The following TMEM232 variants were observed in gnomAD, a reference collection of about 807,000 sequenced individuals.
The protein encoded by TMEM232 is transmembrane protein 232.
A neutral mutation model predicts 78.8 loss-of-function variants in TMEM232; 80 were observed. The ratio of observed to expected loss-of-function variants is 1.01; its 90% CI spans 0.85 to 1.22. The LOEUF (loss-of-function observed/expected upper bound fraction) is 1.22. Among genes scored for constraint, TMEM232 ranks in the 50% most tolerant of loss-of-function variants. The probability of loss-of-function intolerance (pLI) is 0.00; values close to 1 mark genes in which losing one functional copy is unlikely to be tolerated. For synonymous variants in TMEM232, 297 were observed against 254.3 expected (o/e 1.17, Z -1.60); for missense variants, 881 against 742.2 (o/e 1.19, Z -2.17).
chr5:110,590,660 T>C (rs964386677), intron 10 of TMEM232, among the ~76,000 whole-genome samples: 2 of 152,040 alleles, frequency 1.3e-5, no homozygotes, highest in African/African-American at 4.8e-5. Context: ...AAGGAAAACA[T>C]CTTCATATTA....
chr5:110,701,704 G>A (rs1795456810), intron 1 of TMEM232, among the ~76,000 whole-genome samples: 1 of 151,988 alleles, frequency 6.6e-6, no homozygotes, highest in African/African-American at 2.4e-5. Flanking sequence ...TATGCCTCAA[G>A]TTATACCAAA....
chr5:110,471,223 A>T (rs1466977347), intron 12 of TMEM232, among the ~76,000 whole-genome samples: 7 of 152,176 alleles, frequency 4.6e-5, no homozygotes, highest in Non-Finnish European at 8.8e-5. Flanking sequence ...AAACATAAGA[A>T]TGAAAAACAG....
chr5:110,522,083 T>C (rs562696434), intron 12 of TMEM232, among the ~76,000 whole-genome samples: 15 of 152,316 alleles, frequency 9.8e-5, no homozygotes, highest in Non-Finnish European at 1.8e-4. Flanking sequence ...CATTCATTTA[T>C]GTATTCTTTA....
intron 12 of TMEM232, among the ~76,000 whole-genome samples, chr5:110,508,327 A>G (rs10040277): frequency 0.15 from 22,634 of 151,920 alleles, 4,389 homozygotes; most frequent in African/African-American, 0.45. Context: ...AAAGATAGAA[A>G]GCATGATTAG....
At chr5:110,515,085 A>T (rs1768404538) in intron 12 of TMEM232, among the ~76,000 whole-genome samples, 1 of 152,228 alleles carries the variant, frequency 6.6e-6, no homozygotes, top group South Asian at 2.1e-4. Flanking sequence ...CAAATTTCTG[A>T]ACTTATGGTT....
intron 1 of TMEM232, among the ~76,000 whole-genome samples, chr5:110,699,179 C>T (rs558087031): frequency 1.4e-4 from 22 of 152,114 alleles, no homozygotes; most frequent in East Asian, 9.7e-4. Flanking sequence ...TGCACTGCCT[C>T]GCATGAAGGT....
chr5:110,507,669 T>C (rs558254064), intron 12 of TMEM232, among the ~76,000 whole-genome samples: 2 of 152,284 alleles, frequency 1.3e-5, no homozygotes, highest in African/African-American at 2.4e-5. Context: ...ATCATGGAAG[T>C]TGTCCGAGTG....
intron 2 of TMEM232, among the ~76,000 whole-genome samples, chr5:110,646,312 C>T (rs1787468496): frequency 6.6e-6 from 1 of 151,718 alleles, no homozygotes; most frequent in Admixed American, 6.6e-5. Context: ...AATCACATTT[C>T]CTGACTTCAA....
intron 11 of TMEM232, among the ~76,000 whole-genome samples, chr5:110,561,507 A>G (rs986124484): frequency 3.0e-4 from 46 of 152,110 alleles, no homozygotes; most frequent in African/African-American, 9.9e-4. Flanking sequence ...CTTAGCAATC[A>G]TAAGTGTCTT....
In TMEM232 at chr5:110,588,001, C is replaced by T. The variant is rs530085473; in HGVS notation, c.1276+17108G>A. Among the ~76,000 whole-genome samples, 8 of 151,506 alleles carry T rather than the reference C, an allele frequency of 5.3e-5. No individual in the cohort carries two copies. The East Asian group carries it at 1.4e-3, about 26-fold the overall frequency. ...TATTTTCCATGTATAAAAACCACAA[C>T]CTTATTACTGAATACTTTCTTGAAT... On this transcript the variant is annotated intron_variant, in intron 10 of 13. Transcript: ENST00000455884.
rs530702689 is a variant in TMEM232 at position 110,680,717 on chromosome 5, A to G, written c.-12-13353T>C. Among the ~76,000 whole-genome samples, 7 of 152,240 alleles carry G rather than the reference A, an allele frequency of 4.6e-5. No homozygotes were observed. The East Asian group carries it at 1.2e-3, about 25-fold the overall frequency. ...ATATGTCTTTTTTTGGAAAAAAAAT[A>G]GAAAATAATTAGAATCAGAAAATCT... On this transcript the variant is annotated intron_variant, in intron 1 of 13. Coordinates refer to ENST00000455884, the MANE Select transcript of TMEM232 (RefSeq NM_001039763.4).
intron 2 of TMEM232, among the ~76,000 whole-genome samples, chr5:110,407,874 T>C (rs1027776229): frequency 2.0e-5 from 3 of 152,110 alleles, no homozygotes; most frequent in Non-Finnish European, 4.4e-5. Context: ...CAGAGGGACC[T>C]TGGAAAATAC....
chr5:110,719,026 A>G (rs930017381), intron 1 of TMEM232, among the ~76,000 whole-genome samples: 1 of 152,100 alleles, frequency 6.6e-6, no homozygotes, highest in African/African-American at 2.4e-5. Flanking sequence ...CAAACATCAA[A>G]GAGTCTACTT....
chr5:110,460,730 G>A (rs1450306595), intron 12 of TMEM232, among the ~76,000 whole-genome samples: 1 of 149,778 alleles, frequency 6.7e-6, no homozygotes, highest in Non-Finnish European at 1.5e-5. Context: ...AAATCTATTG[G>A]TATCATTTTC....
At chr5:110,426,030 G>C (rs1300921177) in intron 12 of TMEM232, among the ~76,000 whole-genome samples, 1 of 151,954 alleles carries the variant, frequency 6.6e-6, no homozygotes, top group East Asian at 1.9e-4. Flanking sequence ...CATCCCTAAT[G>C]CACAGGCTTT....
At chr5:110,539,885 C>T (rs1772878480) in intron 11 of TMEM232, among the ~76,000 whole-genome samples, 1 of 152,144 alleles carries the variant, frequency 6.6e-6, no homozygotes, top group Non-Finnish European at 1.5e-5. Flanking sequence ...ATCCCCAGAA[C>T]GAGTGCAAGC....
intron 2 of TMEM232, among the ~76,000 whole-genome samples, chr5:110,411,234 T>C (rs1474173561): frequency 2.6e-5 from 4 of 152,150 alleles, no homozygotes; most frequent in East Asian, 1.9e-4. Flanking sequence ...TGTCAGTATA[T>C]GTTCCTGGAA....
intron 12 of TMEM232, among the ~76,000 whole-genome samples, chr5:110,490,699 T>G (rs765527725): frequency 6.6e-6 from 1 of 152,118 alleles, no homozygotes; most frequent in Non-Finnish European, 1.5e-5. Context: ...GCAATTGATT[T>G]TCAACAAAGG....
intron 8 of TMEM232, among the ~76,000 whole-genome samples, chr5:110,617,429 C>A (rs1783077852): frequency 1.3e-5 from 2 of 151,952 alleles, no homozygotes; most frequent in South Asian, 4.1e-4. Flanking sequence ...ATTGTTCTTA[C>A]CACCAAAAAA....
Sources: gnomAD v4.1 joint callset for allele counts (sites outside exome capture counted in the v4.1 genomes callset) on GRCh38, gnomAD v4.1.1 for gene constraint, MANE v1.5 for transcripts, NCBI Gene and HGNC (gene_info 2026-07-23, HGNC 2026-07-21) for gene names.